PLA2G5: variants seen among roughly 807,000 people sequenced by gnomAD.
PLA2G5 encodes the protein Ca2+-dependent phospholipase A2.
PLA2G5 carries 12 observed loss-of-function variants against 15.9 expected under a neutral mutation model. The ratio of observed to expected loss-of-function variants is 0.76; its 90% CI spans 0.48 to 1.23. The LOEUF is 1.23. Among genes scored for constraint, PLA2G5 ranks in the 50% most tolerant of loss-of-function variants. PLA2G5 has a pLI of 0.00. For synonymous variants in PLA2G5, 71 were observed against 71.4 expected (o/e 0.99, Z 0.03); for missense variants, 169 against 177.1 (o/e 0.95, Z 0.26).
At chr1:20,039,049 G>C (rs1267672646) in intron 1 of PLA2G5, among the ~76,000 whole-genome samples, 1 of 152,200 alleles carries the variant, frequency 6.6e-6, no homozygotes, top group Non-Finnish European at 1.5e-5. Context: ...CCTAAGCTCA[G>C]TTAGGGTCTT....
intron 1 of PLA2G5, among the ~76,000 whole-genome samples, chr1:20,031,757 C>T (rs143342461): frequency 2.1e-4 from 32 of 152,050 alleles, no homozygotes; most frequent in African/African-American, 7.0e-4. Flanking sequence ...TTAGCTTTCC[C>T]GATGTGGGAG....
At chr1:20,055,019 C>A (rs530087372) in intron 1 of PLA2G5, among the ~76,000 whole-genome samples, 99 of 152,214 alleles carry the variant, frequency 6.5e-4, no homozygotes, top group African/African-American at 2.3e-3. Context: ...AATAATTTTT[C>A]CAAGTCATTG....
rs534397 is a variant in PLA2G5 at position 20,091,488 on chromosome 1, C to T, written c.*796C>T. ...TTCTTCAGCTGTGTGGTCTTGGACC[C>T]GTTACTGAACCTCTTTGACTTTCAG... On this transcript the variant is annotated 3_prime_UTR_variant, in exon 5 of 5. Coordinates refer to ENST00000375108, the MANE Select transcript of PLA2G5 (RefSeq NM_000929.3). 2.6e-5 allele frequency among the ~76,000 whole-genome samples: 4 copies of T among 152,126 alleles called. No homozygotes were observed. Among genetic ancestry groups the T allele is most frequent in the African/African-American group, 7.2e-5 (3 of 41,412 alleles).
intron 1 of PLA2G5, among the ~76,000 whole-genome samples, chr1:20,083,507 C>A (rs2016134819): frequency 6.6e-6 from 1 of 151,742 alleles, no homozygotes; most frequent in Non-Finnish European, 1.5e-5. Context: ...ACTTTGGATC[C>A]TAGGAGGAAG....
chr1:20,066,028 C>T (rs543495826), upstream of PLA2G5: 1 of 152,154 alleles, frequency 6.6e-6, no homozygotes, highest in Non-Finnish European at 1.5e-5. Context: ...CCAAAGTGGC[C>T]GTGCCATTTT....
chr1:20,037,426 C>A (rs2013319391), intron 1 of PLA2G5, among the ~76,000 whole-genome samples: 1 of 152,182 alleles, frequency 6.6e-6, no homozygotes, highest in South Asian at 2.1e-4. Flanking sequence ...GGTCTCTCAG[C>A]CATGAATACC....
intron 1 of PLA2G5, among the ~76,000 whole-genome samples, chr1:20,049,628 C>A (rs938808171): frequency 2.0e-5 from 3 of 152,098 alleles, no homozygotes; most frequent in Non-Finnish European, 4.4e-5. Context: ...AAGGGGAGTT[C>A]CCCTGCACAT....
intron 1 of PLA2G5, among the ~76,000 whole-genome samples, chr1:20,036,875 C>T (rs1011519452): frequency 1.3e-4 from 20 of 152,058 alleles, no homozygotes; most frequent in East Asian, 9.7e-4. Flanking sequence ...ATGTTGGTCA[C>T]GCTGGTCTCG....
chr1:20,084,993 T>C, intron 2 of PLA2G5, 123 bp downstream of exon 2: 1 of 763,308 alleles, frequency 1.3e-6, no homozygotes. Flanking sequence ...CTGCACTGAC[T>C]GCATAGACAT....
chr1:20,079,159 G>A (rs2015866680), intron 1 of PLA2G5, among the ~76,000 whole-genome samples: 1 of 151,524 alleles, frequency 6.6e-6, no homozygotes, highest in Admixed American at 6.6e-5. Context: ...AAAAAAGTGT[G>A]TGTGGGGTGG....
chr1:20,049,062 A>G (rs1218299960), intron 1 of PLA2G5, among the ~76,000 whole-genome samples: 1 of 152,170 alleles, frequency 6.6e-6, no homozygotes, highest in Non-Finnish European at 1.5e-5. Flanking sequence ...AGGAAATAAG[A>G]GAGGTTTAAG....
intron 1 of PLA2G5, among the ~76,000 whole-genome samples, chr1:20,079,206 G>A (rs2015870331): frequency 6.6e-6 from 1 of 152,026 alleles, no homozygotes; most frequent in Non-Finnish European, 1.5e-5. Context: ...GTAGAAAATG[G>A]AGAATACTAG....
chr1:20,028,969 A>C (rs899071087), intron 1 of PLA2G5, among the ~76,000 whole-genome samples: 3 of 152,204 alleles, frequency 2.0e-5, no homozygotes, highest in Admixed American at 6.5e-5. Context: ...ATGAGTGTTT[A>C]CAGCTGAGGC....
chr1:20,043,445 T>A (rs2013726262), intron 1 of PLA2G5, among the ~76,000 whole-genome samples: 2 of 151,908 alleles, frequency 1.3e-5, no homozygotes, highest in African/African-American at 4.8e-5. Flanking sequence ...TTGAGTGGGG[T>A]AAGGGTGATT....
At chr1:20,059,486 A>T (rs755924879) in intron 1 of PLA2G5, 27 of 152,298 alleles carry the variant, frequency 1.8e-4, no homozygotes, top group Non-Finnish European at 3.2e-4. Flanking sequence ...CTACTGAACA[A>T]TAGGCTCAAA....
At chr1:20,042,049 A>G (rs1019435987) in intron 1 of PLA2G5, among the ~76,000 whole-genome samples, 1 of 152,214 alleles carries the variant, frequency 6.6e-6, no homozygotes, top group Non-Finnish European at 1.5e-5. Flanking sequence ...AACCTCTTTC[A>G]GCCCATATAA....
intron 1 of PLA2G5, among the ~76,000 whole-genome samples, chr1:20,080,027 G>A (rs2015918877): frequency 1.3e-5 from 2 of 152,168 alleles, no homozygotes; most frequent in South Asian, 2.1e-4. Flanking sequence ...GGAAGAGGAC[G>A]GGGACAAAGC....
intron 1 of PLA2G5, among the ~76,000 whole-genome samples, chr1:20,028,874 T>G (rs1557718258): frequency 6.6e-6 from 1 of 152,164 alleles, no homozygotes; most frequent in African/African-American, 2.4e-5. Context: ...TGCAGCTGCT[T>G]CTTCAGTGCC....
intron 1 of PLA2G5, among the ~76,000 whole-genome samples, chr1:20,081,143 C>T (rs1208454729): frequency 6.6e-6 from 1 of 151,714 alleles, no homozygotes; most frequent in Non-Finnish European, 1.5e-5. Flanking sequence ...TCTCCCCTCT[C>T]ATTACTGCAA....
Sources: gnomAD v4.1 joint callset for allele counts (sites outside exome capture counted in the v4.1 genomes callset) on GRCh38, gnomAD v4.1.1 for gene constraint, MANE v1.5 for transcripts, NCBI Gene and HGNC (gene_info 2026-07-23, HGNC 2026-07-21) for gene names.